POLR2F: variants seen among roughly 807,000 people sequenced by gnomAD.
POLR2F encodes the protein DNA-directed RNA polymerases I, II, and III subunit RPABC2.
POLR2F carries 12 observed loss-of-function variants against 22.7 expected under a neutral mutation model. The observed-to-expected ratio is 0.53, with a 90% CI of 0.34 to 0.86. POLR2F has a LOEUF of 0.86. POLR2F is among the 40% of genes least tolerant of loss of function. POLR2F has a pLI of 0.02. For missense variants in POLR2F, 126 were observed against 171.5 expected (o/e 0.73, Z 1.48); for synonymous variants, 57 against 66.0 (o/e 0.86, Z 0.66).
At position 37,967,713 on chromosome 22, in the gene POLR2F, T is replaced by A. The variant is rs1931913966; in HGVS notation, c.382T>A (p.Ter128ArgextTer22). The change falls in exon 5 of 5, where the codon TGA becomes AGA. Residue 128 changes from the stop codon to arginine (R), a stop_lost. Transcript: ENST00000442738. ...WGVDELIITD[*>R] ...GGTGGACGAGCTCATCATCACCGAC[T>A]GAGCTGGAGTCATCTTCCTGCCCTT... The A allele has an allele frequency of 1.2e-6, 2 of 1,612,146 alleles. No homozygotes were observed. Among genetic ancestry groups the A allele is most frequent in the Admixed American group, 1.7e-5 (1 of 59,444 alleles).
chr22:37,998,806 C>G (rs1254906885), intron 1 of POLR2F, among the ~76,000 whole-genome samples: 1 of 151,362 alleles, frequency 6.6e-6, no homozygotes, highest in East Asian at 1.9e-4. Flanking sequence ...TGATCGACTC[C>G]CAGAGGAATG....
chr22:37,958,994 G>A (rs1241890876), intron 2 of POLR2F, among the ~76,000 whole-genome samples: 2 of 151,978 alleles, frequency 1.3e-5, no homozygotes, highest in Non-Finnish European at 2.9e-5. Context: ...TAATTTTTTT[G>A]TGCCAGGACC....
chr22:38,026,056 T>C (rs1022168974), exon 2 of POLR2F: 12 of 536,730 alleles, frequency 2.2e-5, no homozygotes, highest in African/African-American at 1.1e-4. Flanking sequence ...CTCTGCTGCC[T>C]GCTCTTCAGA....
chr22:37,967,614 C>A lies in POLR2F; in HGVS notation c.294-11C>A. On this transcript the variant is annotated splice_polypyrimidine_tract_variant and intron_variant, in intron 4 of 4. Coordinates refer to ENST00000442738, the MANE Select transcript of POLR2F (RefSeq NM_021974.5). Reference sequence around the variant, plus strand: ...AGCCCTCATGTACTTGTGACTTCTCCCCTGCCACAGGGCCCGAAAGATCCC... The same window carrying A: ...AGCCCTCATGTACTTGTGACTTCTCACCTGCCACAGGGCCCGAAAGATCCC... 6.2e-7 allele frequency: 1 copy of A among 1,613,572 alleles called. No homozygotes were observed. Among genetic ancestry groups the A allele is most frequent in the Non-Finnish European group, 8.5e-7 (1 of 1,179,736 alleles).
chr22:37,998,018 G>A (rs543090515), intron 1 of POLR2F, among the ~76,000 whole-genome samples: 123 of 152,288 alleles, frequency 8.1e-4, no homozygotes, highest in African/African-American at 2.8e-3. Context: ...GAGCCAAGAC[G>A]GCTTGTGGAA....
At chr22:38,009,032 T>C (rs1177311891) in intron 1 of POLR2F, among the ~76,000 whole-genome samples, 1 of 152,120 alleles carries the variant, frequency 6.6e-6, no homozygotes, top group Non-Finnish European at 1.5e-5. Context: ...GCACAGGCAG[T>C]TGGACATTTG....
intron 1 of POLR2F, among the ~76,000 whole-genome samples, chr22:38,001,104 G>T (rs553947585): frequency 6.6e-6 from 1 of 152,290 alleles, no homozygotes; most frequent in African/African-American, 2.4e-5. Context: ...GGTTAGAGAA[G>T]GACTAGAGTC....
rs1436856898 is a variant in POLR2F at position 37,986,267 on chromosome 22, G to A, written c.77G>A (p.Arg26His). The A allele has an allele frequency of 1.9e-6, 3 of 1,539,114 alleles. No homozygotes were observed. The highest frequency in any genetic ancestry group is 2.4e-5 in the South Asian group (2 of 84,026). The stretch of plus-strand genomic sequence containing the variant: ...TGCCCTGCAGTCGCCTCCAACACCC[G>A]CTGCTGCCCGCCCGCTGCCTGCCTG... The change falls in exon 1 of 3, where the codon CGC becomes CAC. Residue 26 changes from arginine to histidine, a missense_variant. Arg to His is a conservative substitution (Grantham distance 29). Transcript: ENST00000333418. This position sits in a 1 kb window ranked among gnomAD's most constrained non-coding sequence, Gnocchi z 4.7.
upstream of POLR2F, chr22:37,983,849 G>C: frequency 1.5e-6 from 2 of 1,304,308 alleles, no homozygotes; most frequent in Non-Finnish European, 2.0e-6. The surrounding 1 kb of genome is among the most constrained non-coding windows in gnomAD (Gnocchi z 9.5). Flanking sequence ...CGGGGTCCTC[G>C]CAAAGAGTCC....
chr22:38,010,217 G>A (rs2084858864), intron 1 of POLR2F, among the ~76,000 whole-genome samples: 1 of 152,006 alleles, frequency 6.6e-6, no homozygotes, highest in African/African-American at 2.4e-5. Context: ...TCTATTAAAA[G>A]TAAAAATATT....
intron 1 of POLR2F, among the ~76,000 whole-genome samples, chr22:37,989,775 T>C (rs765986311): frequency 2.0e-5 from 3 of 152,222 alleles, no homozygotes; most frequent in African/African-American, 4.8e-5. Context: ...ACCACTCTGC[T>C]CTATTGCCCC....
chr22:37,953,708 G>C lies in POLR2F; in HGVS notation c.-80G>C. ...GGCGCAGGCGCAAGATAAGCTAGGA[G>C]CCGCGCGAGTCGTAGTGTCGCTGTT... On this transcript the variant is annotated 5_prime_UTR_variant, in exon 1 of 5. Coordinates refer to ENST00000442738, the MANE Select transcript of POLR2F (RefSeq NM_021974.5). 6.5e-7 allele frequency: 1 copy of C among 1,531,682 alleles called. No homozygotes were observed. Among genetic ancestry groups the C allele is most frequent in the East Asian group, 2.3e-5 (1 of 43,504 alleles). The allele number at this position is 1,531,682 out of a possible 1,614,324, so 94.9% of individuals were successfully genotyped here. A position where few individuals can be genotyped will look rare whatever the true frequency, so the allele number is the denominator to read the frequency against.
upstream of POLR2F, among the ~76,000 whole-genome samples, chr22:37,985,873 CCAGA>C (rs1021228589): frequency 1.3e-5 from 2 of 151,316 alleles, no homozygotes; most frequent in East Asian, 2.0e-4. Flanking sequence ...ACACAACCAG[CCAGA>C]CAATCGGGCC....
At chr22:37,974,137 C>A (rs1487604469), downstream of POLR2F, 3 of 1,611,404 alleles carry the variant, frequency 1.9e-6, no homozygotes, top group Non-Finnish European at 2.5e-6. This position sits in a 1 kb window ranked among gnomAD's most constrained non-coding sequence, Gnocchi z 5.4. Context: ...TCGGGTCTGC[C>A]TTGCCCGACT....
chr22:38,023,663 T>G (rs2084980005), intron 1 of POLR2F, among the ~76,000 whole-genome samples: 1 of 151,960 alleles, frequency 6.6e-6, no homozygotes, highest in African/African-American at 2.4e-5. Context: ...TTCTTCTGTC[T>G]CTATGATTTT....
At position 37,967,178 on chromosome 22, in the gene POLR2F, A is replaced by C. The variant is rs530761734; in HGVS notation, c.293+8A>C. The C allele has an allele frequency of 1.9e-6, 3 of 1,612,144 alleles. No homozygotes were observed. The South Asian group carries it at 3.3e-5, about 18-fold the overall frequency. ...TGCCATGAAGGAACTCAAGTAAGTC[A>C]CTCAAATCATGGTTCACTTCTCCAA... On this transcript the variant is annotated splice_region_variant and intron_variant, in intron 4 of 4. Transcript: ENST00000442738.
In POLR2F at chr22:37,997,251, C is replaced by T. The variant is rs973010587; in HGVS notation, c.120+10939C>T. Among the ~76,000 whole-genome samples, 3 of 152,140 alleles carry T rather than the reference C, an allele frequency of 2.0e-5. No individual in the cohort carries two copies. The highest frequency in any genetic ancestry group is 2.1e-4 in the South Asian group (1 of 4,832). ...GACCTTTCTCCCTTCTTTTCCACTT[C>T]GGCCTCCACCTTGTTTCTTTCTCTG... On this transcript the variant is annotated intron_variant, in intron 1 of 2. Coordinates refer to the POLR2F transcript ENST00000333418. The surrounding 1 kb of genome is among the most constrained non-coding windows in gnomAD (Gnocchi z 4.4).
chr22:37,967,755 T>G lies in POLR2F; in HGVS notation c.*40T>G, dbSNP rs377143922. On this transcript the variant is annotated 3_prime_UTR_variant, in exon 5 of 5. Coordinates refer to ENST00000442738, the MANE Select transcript of POLR2F (RefSeq NM_021974.5). ...CCTGCCCTTGCCCCATGCCCAATTT[T>G]CATTCTCACTTTATATGTGTAAATA... 7.9e-5 allele frequency: 126 copies of G among 1,591,120 alleles called. No homozygotes were observed. The highest frequency in any genetic ancestry group is 1.0e-4 in the Non-Finnish European group (122 of 1,170,792).
At chr22:37,963,885 T>C (rs1255434248) in intron 3 of POLR2F, among the ~76,000 whole-genome samples, 1 of 152,124 alleles carries the variant, frequency 6.6e-6, no homozygotes, top group Non-Finnish European at 1.5e-5. Flanking sequence ...GCGGATCACC[T>C]GAGGTCAGGA....
Sources: gnomAD v4.1 joint callset for allele counts (sites outside exome capture counted in the v4.1 genomes callset) on GRCh38, gnomAD v4.1.1 for gene constraint, Gnocchi (gnomAD v3.1) non-coding constraint, MANE v1.5 for transcripts, NCBI Gene and HGNC (gene_info 2026-07-23, HGNC 2026-07-21) for gene names.